CHST11: variants seen among roughly 807,000 people sequenced by gnomAD.
The protein encoded by CHST11 is C4S-1.
Under a neutral mutation model 30.4 loss-of-function variants are expected in CHST11, and 9 were observed. That is an observed-to-expected ratio of 0.30 (90% CI 0.18 to 0.52). CHST11 has a LOEUF of 0.52. Ranked by LOEUF, CHST11 falls within the 20% of genes least tolerant of loss-of-function variation. The probability of loss-of-function intolerance (pLI) is 0.97; values close to 1 mark genes in which losing one functional copy is unlikely to be tolerated. For synonymous variants in CHST11, 152 were observed against 187.8 expected (o/e 0.81, Z 1.56); for missense variants, 348 against 460.6 (o/e 0.76, Z 2.24).
At chr12:104,715,365 C>T (rs1229512322) in intron 2 of CHST11, among the ~76,000 whole-genome samples, 1 of 152,096 alleles carries the variant, frequency 6.6e-6, no homozygotes, top group Non-Finnish European at 1.5e-5. Flanking sequence ...CAGAGTGAGA[C>T]TCTGTCTCAA....
At chr12:104,710,158 C>T (rs1195742280) in intron 2 of CHST11, among the ~76,000 whole-genome samples, 1 of 152,200 alleles carries the variant, frequency 6.6e-6, no homozygotes, top group Non-Finnish European at 1.5e-5. Context: ...CATGATTGCG[C>T]CACTGCACTC....
At chr12:104,665,872 C>T (rs12371457) in intron 2 of CHST11, among the ~76,000 whole-genome samples, 40,659 of 139,906 alleles carry the variant, frequency 0.29, 6,097 homozygotes, top group Middle Eastern at 0.38. Context: ...CAGGCTGGAC[C>T]GCAGTGGCGC....
intron 2 of CHST11, among the ~76,000 whole-genome samples, chr12:104,614,550 A>T (rs375137882): frequency 4.3e-4 from 65 of 152,278 alleles, no homozygotes; most frequent in Middle Eastern, 6.8e-3. Context: ...AAAAAAATTT[A>T]AAAAATTATA....
intron 2 of CHST11, among the ~76,000 whole-genome samples, chr12:104,610,565 C>G (rs1172202969): frequency 6.6e-6 from 1 of 152,244 alleles, no homozygotes; most frequent in Non-Finnish European, 1.5e-5. Context: ...GAATTACCCT[C>G]AATTATAAGA....
In CHST11 at chr12:104,585,064, A is replaced by C. The variant is rs181396994; in HGVS notation, c.119-16842A>C. On this transcript the variant is annotated intron_variant, in intron 1 of 2. Transcript: ENST00000303694. ...AGCTAATCCCCTCTTTAACTCTTAA[A>C]AATATGGAAATGAAATAGGGGTTTT... Among the ~76,000 whole-genome samples the C allele has an allele frequency of 3.0e-4, 45 of 152,352 alleles. No homozygotes were observed. In the South Asian group the frequency reaches 5.0e-3, roughly 17 times the overall value.
chr12:104,522,313 G>A (rs1350177572), intron 1 of CHST11, among the ~76,000 whole-genome samples: 3 of 152,176 alleles, frequency 2.0e-5, no homozygotes, highest in Non-Finnish European at 2.9e-5. Context: ...TGTAAAATGG[G>A]CATCAGTGTG....
At chr12:104,598,107 G>A (rs1425620341) in intron 1 of CHST11, among the ~76,000 whole-genome samples, 1 of 152,174 alleles carries the variant, frequency 6.6e-6, no homozygotes, top group Admixed American at 6.5e-5. Context: ...CCACCATCTG[G>A]GCCTTGGTTA....
At chr12:104,516,919 G>A (rs1260119887) in intron 1 of CHST11, among the ~76,000 whole-genome samples, 2 of 152,146 alleles carry the variant, frequency 1.3e-5, no homozygotes, top group African/African-American at 2.4e-5. Context: ...TGATCATGGA[G>A]CAAAATGTTC....
intron 2 of CHST11, among the ~76,000 whole-genome samples, chr12:104,614,677 GTGTGTGCATGCATGCT>G (rs1340441816): frequency 3.5e-5 from 5 of 142,862 alleles, no homozygotes; most frequent in Non-Finnish European, 6.1e-5. Flanking sequence ...TTATGCATGT[GTGTGTGCATGCATGCT>G]TGTGTGTGTG....
At chr12:104,755,185 C>A (rs759831413) in intron 2 of CHST11, among the ~76,000 whole-genome samples, 1 of 152,158 alleles carries the variant, frequency 6.6e-6, no homozygotes, top group Non-Finnish European at 1.5e-5. Flanking sequence ...GTTGGAGGAG[C>A]AGGGGCAGAT....
chr12:104,565,963 G>A (rs2038561661), intron 1 of CHST11, among the ~76,000 whole-genome samples: 2 of 152,158 alleles, frequency 1.3e-5, no homozygotes, highest in Admixed American at 6.5e-5. Context: ...GGGAGAGCAG[G>A]GATGGTCTGT....
chr12:104,693,548 G>A (rs370260482), intron 2 of CHST11, among the ~76,000 whole-genome samples: 4 of 152,220 alleles, frequency 2.6e-5, no homozygotes, highest in African/African-American at 9.7e-5. Flanking sequence ...AATGGTGCCT[G>A]CCCTTGTGGA....
rs3039184 is a variant in CHST11 at position 104,614,693 on chromosome 12, TTGTGTG to T, written c.204+12720_204+12725del. Among the ~76,000 whole-genome samples, 16 of 148,930 alleles carry T rather than the reference TTGTGTG, an allele frequency of 1.1e-4. No homozygotes were observed. In the East Asian group the frequency reaches 3.0e-3, roughly 28 times the overall value. On this transcript the variant is annotated intron_variant, in intron 2 of 2. Coordinates refer to ENST00000303694, the MANE Select transcript of CHST11 (RefSeq NM_018413.6). ...TATGCATGTGTGTGTGCATGCATGC[TTGTGTG>T]TGTGTGTGTGTGTGTGTAGAGCCTT...
chr12:104,457,243 C>T lies in CHST11; in HGVS notation c.-169C>T. 1.7e-6 allele frequency: 1 copy of T among 582,434 alleles called. No individual in the cohort carries two copies. The allele number at this position is 582,434 out of a possible 1,614,324, so 36.1% of individuals were successfully genotyped here. On this transcript the variant is annotated 5_prime_UTR_variant, in exon 1 of 3. Coordinates refer to ENST00000303694, the MANE Select transcript of CHST11 (RefSeq NM_018413.6). ...ACTCCGGCACCTTCCACACCCCTGC[C>T]CGGGCTGGGGGCTCCGAGAGCGGCC...
intron 2 of CHST11, among the ~76,000 whole-genome samples, chr12:104,698,995 T>A (rs1215221982): frequency 6.6e-6 from 1 of 152,252 alleles, no homozygotes; most frequent in Non-Finnish European, 1.5e-5. Context: ...TCACTGGCTA[T>A]CTGGCCAGTC....
intron 1 of CHST11, among the ~76,000 whole-genome samples, chr12:104,597,441 G>A (rs569349400): frequency 1.4e-3 from 206 of 152,148 alleles, no homozygotes; most frequent in South Asian, 6.2e-4. Context: ...TTTCTTTTGC[G>A]GGGCTTTTGA....
At chr12:104,710,017 C>T (rs1029674697) in intron 2 of CHST11, among the ~76,000 whole-genome samples, 3 of 151,562 alleles carry the variant, frequency 2.0e-5, no homozygotes, top group African/African-American at 7.3e-5. Context: ...GGGAACACAG[C>T]CAGCAAGACC....
chr12:104,660,345 G>A (rs1017703185), intron 2 of CHST11, among the ~76,000 whole-genome samples: 6 of 152,226 alleles, frequency 3.9e-5, no homozygotes, highest in African/African-American at 9.6e-5. Context: ...GGGTCTCTGC[G>A]GCATTGCCAT....
rs201140777 is a variant in CHST11 at position 104,757,204 on chromosome 12, G to A, written c.460G>A (p.Glu154Lys). 75 of 1,614,102 alleles carry A rather than the reference G, an allele frequency of 4.6e-5. No homozygotes were observed. Among genetic ancestry groups the A allele is most frequent in the Non-Finnish European group, 5.8e-5 (68 of 1,180,020 alleles). ...YSDPMEIPAN[E>K]AHVSANLKTL... The stretch of plus-strand genomic sequence containing the variant: ...CGACCCCATGGAGATCCCGGCCAAC[G>A]AGGCACACGTCTCCGCCAACCTGAA... The change falls in exon 3 of 3, where the codon GAG becomes AAG. Residue 154 changes from glutamate (E) to lysine (K), a missense_variant. Physicochemically the swap from Glu to Lys is moderately conservative, Grantham distance 56. Around this residue, in one of 3 missense-constraint regions of CHST11, gnomAD observed 210 missense variants for 287.2 expected, o/e 0.73. Coordinates refer to ENST00000303694, the MANE Select transcript of CHST11 (RefSeq NM_018413.6). This position sits in a 1 kb window ranked among gnomAD's most constrained non-coding sequence, Gnocchi z 6.5.
Sources: gnomAD v4.1 joint callset for allele counts (sites outside exome capture counted in the v4.1 genomes callset) on GRCh38, gnomAD v4.1.1 for gene constraint, gnomAD v4.1.1 regional missense constraint, Gnocchi (gnomAD v3.1) non-coding constraint, MANE v1.5 for transcripts, NCBI Gene and HGNC (gene_info 2026-07-23, HGNC 2026-07-21) for gene names.